The following DLC1 variants were observed in gnomAD, a reference collection of about 807,000 sequenced individuals.
DLC1 encodes rho GTPase-activating protein 7.
In DLC1, 54 loss-of-function variants were observed where a neutral mutation model predicts 140.3. The observed-to-expected ratio is 0.38, with a 90% CI of 0.31 to 0.48. The LOEUF is 0.48. Ranked by LOEUF, DLC1 falls within the 20% of genes least tolerant of loss-of-function variation. The pLI, the probability that DLC1 is intolerant of heterozygous loss-of-function variation, is 0.96. For missense variants in DLC1, 2,536 were observed against 1,907.0 expected (o/e 1.33, Z -6.14); for synonymous variants, 986 against 728.1 (o/e 1.35, Z -5.70).
intron 5 of DLC1, among the ~76,000 whole-genome samples, chr8:13,264,079 T>TATTTATTTATTTATTG (rs1325586849): frequency 1.3e-5 from 2 of 151,700 alleles, no homozygotes; most frequent in African/African-American, 4.8e-5. Flanking sequence ...TTTATTTATT[T>TATTTATTTATTTATTG]ATTTATTGAG....
intron 5 of DLC1, among the ~76,000 whole-genome samples, chr8:13,234,343 T>G (rs1027966885): frequency 1.3e-5 from 2 of 152,114 alleles, no homozygotes; most frequent in Admixed American, 6.5e-5. Flanking sequence ...TAGATACTGG[T>G]TCCTCATCTA....
chr8:13,597,097 G>A (rs1313820052), intron 1 of DLC1, among the ~76,000 whole-genome samples: 1 of 151,802 alleles, frequency 6.6e-6, no homozygotes, highest in Non-Finnish European at 1.5e-5. Context: ...TGTCCACTTG[G>A]ACTTTGACTG....
chr8:13,416,944 T>C (rs1344311543), intron 2 of DLC1, among the ~76,000 whole-genome samples: 5 of 152,138 alleles, frequency 3.3e-5, no homozygotes, highest in East Asian at 3.9e-4. Flanking sequence ...AAATCTGTTA[T>C]GTGCCTTTGT....
At chr8:13,591,675 A>G (rs907378261) in intron 1 of DLC1, among the ~76,000 whole-genome samples, 1 of 151,900 alleles carries the variant, frequency 6.6e-6, no homozygotes, top group Non-Finnish European at 1.5e-5. Context: ...GTTGGCTTGG[A>G]CTTATTGGTA....
At chr8:13,165,516 C>A (rs781116188) in intron 5 of DLC1, among the ~76,000 whole-genome samples, 9 of 152,362 alleles carry the variant, frequency 5.9e-5, no homozygotes, top group Admixed American at 1.3e-4. Context: ...TCCGTACTTT[C>A]ACGCTCTGTT....
At chr8:13,360,852 T>C (rs1835189859) in intron 4 of DLC1, among the ~76,000 whole-genome samples, 2 of 152,048 alleles carry the variant, frequency 1.3e-5, no homozygotes, top group South Asian at 2.1e-4. Flanking sequence ...TTGTTTTGCA[T>C]GGCTGGGCTC....
chr8:13,188,646 C>A, intron 5 of DLC1, among the ~76,000 whole-genome samples: 1 of 135,120 alleles, frequency 7.4e-6, no homozygotes, highest in Non-Finnish European at 1.6e-5. Context: ...GCTCTGTAGC[C>A]CAGGCTGAAG....
At chr8:13,153,712 C>T (rs978640199) in intron 5 of DLC1, among the ~76,000 whole-genome samples, 1 of 152,048 alleles carries the variant, frequency 6.6e-6, no homozygotes, top group Non-Finnish European at 1.5e-5. Context: ...TCCAAGTCCC[C>T]ACTAGATTAG....
chr8:13,290,062 G>A (rs77963560), intron 5 of DLC1, among the ~76,000 whole-genome samples: 2 of 152,170 alleles, frequency 1.3e-5, no homozygotes, highest in East Asian at 3.9e-4. Context: ...ATAGTTTTAT[G>A]AGCTTAGTGC....
At chr8:13,098,974 C>T (rs1006813274) in intron 9 of DLC1, among the ~76,000 whole-genome samples, 4 of 152,076 alleles carry the variant, frequency 2.6e-5, no homozygotes, top group Non-Finnish European at 5.9e-5. Context: ...GGCATCTTAT[C>T]TTAGGAACTG....
At chr8:13,332,297 A>G (rs1688830959) in intron 4 of DLC1, among the ~76,000 whole-genome samples, 1 of 152,184 alleles carries the variant, frequency 6.6e-6, no homozygotes, top group South Asian at 2.1e-4. Context: ...TCCAGCTCCA[A>G]ATTATCTGAG....
chr8:13,566,353 C>T (rs950536436), intron 1 of DLC1, among the ~76,000 whole-genome samples: 5 of 151,010 alleles, frequency 3.3e-5, no homozygotes, highest in African/African-American at 1.2e-4. Context: ...CTCCCCCGCC[C>T]CTGCTCCCCA....
intron 5 of DLC1, chr8:13,276,614 C>G (rs537145333): frequency 2.4e-6 from 3 of 1,229,270 alleles, no homozygotes; most frequent in East Asian, 3.5e-5. Context: ...TACCCTGCGC[C>G]GGCGACACCC....
intron 5 of DLC1, chr8:13,133,053 G>T: frequency 1.3e-6 from 2 of 1,565,684 alleles, no homozygotes; most frequent in Middle Eastern, 3.3e-4. Context: ...CTTCCGCGTC[G>T]GGACCCACGG....
chr8:13,354,979 G>T (rs1383291691), intron 4 of DLC1, among the ~76,000 whole-genome samples: 2 of 148,612 alleles, frequency 1.3e-5, no homozygotes, highest in African/African-American at 4.9e-5. Context: ...GAAAAAGGAA[G>T]AAAAAAGTTT....
At chr8:13,228,344 A>G (rs1216072842) in intron 5 of DLC1, among the ~76,000 whole-genome samples, 1 of 152,170 alleles carries the variant, frequency 6.6e-6, no homozygotes, top group African/African-American at 2.4e-5. Flanking sequence ...AAATAAAAGT[A>G]AAAGGAGGGA....
chr8:13,254,966 C>CTT (rs33978356), intron 5 of DLC1, among the ~76,000 whole-genome samples: 34 of 150,364 alleles, frequency 2.3e-4, no homozygotes, highest in East Asian at 7.9e-4. Context: ...TTAAAGTACT[C>CTT]TTTTTTTTTC....
At chr8:13,300,434 C>G (rs1013687872) in intron 5 of DLC1, among the ~76,000 whole-genome samples, 1 of 152,184 alleles carries the variant, frequency 6.6e-6, no homozygotes, top group Non-Finnish European at 1.5e-5. Context: ...CGCAGAACAT[C>G]ATAAAATAAA....
intron 5 of DLC1, among the ~76,000 whole-genome samples, chr8:13,270,460 G>A (rs748728575): frequency 6.6e-6 from 1 of 152,190 alleles, no homozygotes; most frequent in Non-Finnish European, 1.5e-5. Flanking sequence ...TGCTGGTGCT[G>A]CTGCTCTTTT....
Sources: gnomAD v4.1 joint callset for allele counts (sites outside exome capture counted in the v4.1 genomes callset) on GRCh38, gnomAD v4.1.1 for gene constraint, MANE v1.5 for transcripts, NCBI Gene and HGNC (gene_info 2026-07-23, HGNC 2026-07-21) for gene names.